The following TMX1 variants were observed in gnomAD, a reference collection of about 807,000 sequenced individuals.
The protein encoded by TMX1 is thioredoxin related transmembrane protein 1.
TMX1 carries 25 observed loss-of-function variants against 36.6 expected under a neutral mutation model. The observed-to-expected ratio is 0.68, with a 90% CI of 0.50 to 0.95. The LOEUF (loss-of-function observed/expected upper bound fraction) is 0.95. Among genes scored for constraint, TMX1 ranks in the 40% least tolerant of loss-of-function variants. TMX1 has a pLI of 0.00. For missense variants in TMX1, 347 were observed against 339.6 expected (o/e 1.02, Z -0.17); for synonymous variants, 133 against 118.0 (o/e 1.13, Z -0.82).
At chr14:51,252,568 T>C (rs1196800169) in intron 7 of TMX1, among the ~76,000 whole-genome samples, 2 of 152,198 alleles carry the variant, frequency 1.3e-5, no homozygotes, top group African/African-American at 4.8e-5. Context: ...TAGTAACATA[T>C]AAGCAGTAAG....
chr14:51,247,418 G>A (rs993758010), intron 4 of TMX1, among the ~76,000 whole-genome samples, 198 bp downstream of exon 4: 10 of 144,590 alleles, frequency 6.9e-5, no homozygotes, highest in Non-Finnish European at 1.0e-4. Context: ...GTGCAGTGGC[G>A]CAATCTCGGC....
chr14:51,252,775 T>C (rs1456880695), intron 7 of TMX1, among the ~76,000 whole-genome samples: 2 of 152,106 alleles, frequency 1.3e-5, no homozygotes, highest in Non-Finnish European at 2.9e-5. Context: ...TTAAGCAAAA[T>C]TGGAATTTAT....
chr14:51,245,504 T>C, intron 3 of TMX1, 146 bp downstream of exon 3: 1 of 1,532,450 alleles, frequency 6.5e-7, no homozygotes, highest in Admixed American at 2.0e-5. Context: ...TTTTGCTTAG[T>C]GTTATCCTAG....
intron 4 of TMX1, among the ~76,000 whole-genome samples, chr14:51,247,638 T>A (rs1364481930): frequency 6.6e-6 from 1 of 152,230 alleles, no homozygotes; most frequent in African/African-American, 2.4e-5. Flanking sequence ...ATTACAGGTG[T>A]GAGCCACTAT....
At chr14:51,242,278 A>G (rs774033480) in intron 1 of TMX1, among the ~76,000 whole-genome samples, 8 of 152,218 alleles carry the variant, frequency 5.3e-5, no homozygotes, top group Non-Finnish European at 8.8e-5. Context: ...AGTCATCATC[A>G]TGAGTAACTT....
chr14:51,247,352 ATTTTTTTT>A (rs35852707), intron 4 of TMX1, 132 bp downstream of exon 4: 9 of 300,468 alleles, frequency 3.0e-5, no homozygotes, highest in Middle Eastern at 1.4e-3. Context: ...TACATGTTTG[ATTTTTTTT>A]TTTTTTTTTT....
intron 7 of TMX1, among the ~76,000 whole-genome samples, chr14:51,252,267 C>T: frequency 2.2e-5 from 1 of 45,640 alleles, no homozygotes; most frequent in South Asian, 6.8e-4. Context: ...GTAAAAGTCA[C>T]TAAAGAAATC....
At chr14:51,252,368 G>A (rs971922300) in intron 7 of TMX1, among the ~76,000 whole-genome samples, 13 of 151,356 alleles carry the variant, frequency 8.6e-5, no homozygotes, top group African/African-American at 2.9e-4. Context: ...CAAAAAGAAG[G>A]CAAGCATGGT....
At chr14:51,240,490 G>A (rs760113264) in intron 1 of TMX1, 46 bp downstream of exon 1, 152 of 1,586,174 alleles carry the variant, frequency 9.6e-5, no homozygotes, top group Admixed American at 1.0e-4. Context: ...CTGGACACAC[G>A]ACTTCACCCC....
Position 51,254,467 on chromosome 14 carries a change from A to G in TMX1, c.791A>G (p.Asn264Ser), listed in dbSNP as rs775395711. 6.2e-7 allele frequency: 1 copy of G among 1,611,240 alleles called. No individual in the cohort carries two copies. The highest frequency in any genetic ancestry group is 1.7e-5 in the Admixed American group (1 of 59,474). Reference protein sequence around the residue: ...KEGTNKDFPQNAIRQRSLGPS... With the variant: ...KEGTNKDFPQSAIRQRSLGPS... Reference sequence around the variant, plus strand: ...GGAACAAACAAAGACTTTCCACAGAATGCCATAAGACAACGCTCTCTGGGT... The same window carrying G: ...GGAACAAACAAAGACTTTCCACAGAGTGCCATAAGACAACGCTCTCTGGGT... The change falls in exon 8 of 8, where the codon AAT (asparagine) becomes AGT (serine). Residue 264 changes from asparagine to serine, a missense_variant. Coordinates refer to ENST00000457354, the MANE Select transcript of TMX1 (RefSeq NM_030755.5).
intron 4 of TMX1, among the ~76,000 whole-genome samples, chr14:51,247,569 G>A (rs1321775433): frequency 2.0e-5 from 3 of 152,068 alleles, no homozygotes; most frequent in Non-Finnish European, 4.4e-5. Flanking sequence ...GTGTTAGCCA[G>A]GATGGTCTTG....
intron 4 of TMX1, among the ~76,000 whole-genome samples, chr14:51,247,522 A>T (rs1364226584): frequency 1.3e-5 from 2 of 151,710 alleles, no homozygotes; most frequent in Admixed American, 6.6e-5. Flanking sequence ...ACACGTGGCT[A>T]ATTTTTTTGT....
rs781632744 is a variant in TMX1, at chr14:51,254,499, T to A, written c.823T>A (p.Leu275Met). 4.0e-5 allele frequency: 64 copies of A among 1,600,056 alleles called. No individual in the cohort carries two copies. Among genetic ancestry groups the A allele is most frequent in the Non-Finnish European group, 5.4e-5 (63 of 1,176,548 alleles). The change falls in exon 8 of 8, where the codon TTG (leucine) becomes ATG (methionine). Residue 275 changes from leucine (L) to methionine (M), a missense_variant. Leu to Met is a conservative substitution (Grantham distance 15). Coordinates refer to ENST00000457354, the MANE Select transcript of TMX1 (RefSeq NM_030755.5). ...AAGACAACGCTCTCTGGGTCCATCA[T>A]TGGCCACAGATAAATCCTAGTTAAA... ...AIRQRSLGPS[L>M]ATDKS
At chr14:51,240,566 C>A in intron 1 of TMX1, 122 bp downstream of exon 1, 1 of 1,367,314 alleles carries the variant, frequency 7.3e-7, no homozygotes, top group Non-Finnish European at 9.7e-7. Context: ...GCGAGCGTCC[C>A]CGACTTCTGC....
chr14:51,242,053 T>C (rs1361823532), intron 1 of TMX1, among the ~76,000 whole-genome samples: 1 of 152,086 alleles, frequency 6.6e-6, no homozygotes, highest in Non-Finnish European at 1.5e-5. Flanking sequence ...CGCTTGAATC[T>C]GGGAGTCAGA....
At chr14:51,246,949 A>T in intron 3 of TMX1, 143 bp from the exon 4 acceptor site, 1 of 609,846 alleles carries the variant, frequency 1.6e-6, no homozygotes, top group Non-Finnish European at 2.5e-6. Flanking sequence ...GAGTAGGTAA[A>T]TAGTATAATT....
rs376212963 is a variant in TMX1, at chr14:51,243,934, G to A, written c.231G>A (p.Glu77=). 2 of 1,611,880 alleles carry A rather than the reference G, an allele frequency of 1.2e-6. No homozygotes were observed. The highest frequency in any genetic ancestry group is 2.7e-5 in the African/African-American group (2 of 74,878). Residue 77 remains glutamate (E), a synonymous_variant, in exon 2 of 8, where the codon GAG becomes GAA. Transcript: ENST00000457354. The stretch of plus-strand genomic sequence containing the variant: ...TTGCTGAATGGGGAGAAGATCTTGA[G>A]GTTAATATTGCGAAAGTAGATGTCA... The part of the protein sequence containing the change: ...ESFAEWGEDL[E]VNIAKVDVTE...
At chr14:51,241,989 C>T (rs1186268513) in intron 1 of TMX1, among the ~76,000 whole-genome samples, 1 of 152,242 alleles carries the variant, frequency 6.6e-6, no homozygotes, top group African/African-American at 2.4e-5. Context: ...ATTACCTGGG[C>T]GTGGTGGCAC....
rs1006951467 is a variant in TMX1, at chr14:51,257,361, G to A, written c.*2842G>A. On this transcript the variant is annotated 3_prime_UTR_variant, in exon 8 of 8. Coordinates refer to ENST00000457354, the MANE Select transcript of TMX1 (RefSeq NM_030755.5). ...TGTGATGTAATTAAAATTATTGAGTGAACATTTTGGCTCATATTTTATGAC... is the reference window on the plus strand; with the variant it reads ...TGTGATGTAATTAAAATTATTGAGTAAACATTTTGGCTCATATTTTATGAC... The A allele has an allele frequency of 6.6e-6, 1 of 152,108 alleles. No homozygotes were observed. Among genetic ancestry groups the A allele is most frequent in the Non-Finnish European group, 1.5e-5 (1 of 68,022 alleles). 9.4% of individuals were successfully genotyped at this position (152,108 alleles called of 1,614,324 possible).
Sources: allele counts gnomAD v4.1 joint callset (sites outside exome capture counted in the v4.1 genomes callset), GRCh38; gene constraint gnomAD v4.1.1; transcripts MANE v1.5; gene names NCBI Gene and HGNC (gene_info 2026-07-23, HGNC 2026-07-21).